The following DAB2IP variants were observed in gnomAD, a reference collection of about 807,000 sequenced individuals.
DAB2IP encodes the protein disabled homolog 2-interacting protein.
Under a neutral mutation model 107.2 loss-of-function variants are expected in DAB2IP, and 28 were observed. The observed-to-expected ratio is 0.26, with a 90% CI of 0.19 to 0.36. DAB2IP has a LOEUF of 0.36. Ranked by LOEUF, DAB2IP falls within the 10% of genes least tolerant of loss-of-function variation. DAB2IP has a pLI of 1.00. For synonymous variants in DAB2IP, 755 were observed against 706.4 expected (o/e 1.07, Z -1.09); for missense variants, 1,400 against 1,644.7 (o/e 0.85, Z 2.57).
chr9:121,770,417 C>T (rs966031447), intron 10 of DAB2IP, 129 bp from the exon 11 acceptor site: 2 of 1,030,796 alleles, frequency 1.9e-6, no homozygotes, highest in Non-Finnish European at 2.8e-6. Flanking sequence ...GTGGCTCTGA[C>T]TGGCAGCAGG....
At chr9:121,728,066 A>G (rs762054343) in intron 3 of DAB2IP, among the ~76,000 whole-genome samples, 2 of 152,202 alleles carry the variant, frequency 1.3e-5, no homozygotes, top group Non-Finnish European at 2.9e-5. Flanking sequence ...GGATGGTTAA[A>G]GTACCAACCC....
chr9:121,667,281 G>A (rs1183926191), intron 1 of DAB2IP, among the ~76,000 whole-genome samples: 1 of 151,998 alleles, frequency 6.6e-6, no homozygotes, highest in Non-Finnish European at 1.5e-5. Context: ...CAAAGTGCTG[G>A]GGAAAAGCAC....
At chr9:121,666,913 C>CACACAA (rs1564143957) in intron 1 of DAB2IP, among the ~76,000 whole-genome samples, 1 of 134,680 alleles carries the variant, frequency 7.4e-6, no homozygotes, top group African/African-American at 2.8e-5. Flanking sequence ...CACACACACA[C>CACACAA]ACAACACTCT....
At chr9:121,700,603 C>T (rs780229354) in intron 3 of DAB2IP, among the ~76,000 whole-genome samples, 21 of 152,212 alleles carry the variant, frequency 1.4e-4, no homozygotes, top group Non-Finnish European at 5.9e-5. Context: ...CTCTCCCCTC[C>T]CCCTTGGTTC....
At chr9:121,649,103 C>T (rs1832647214), upstream of DAB2IP, among the ~76,000 whole-genome samples, 1 of 152,182 alleles carries the variant, frequency 6.6e-6, no homozygotes, top group South Asian at 2.1e-4. Context: ...GCCCCCTTCC[C>T]ACTCAGTACC....
intron 3 of DAB2IP, among the ~76,000 whole-genome samples, chr9:121,703,852 A>C (rs1829916042): frequency 6.6e-6 from 1 of 152,140 alleles, no homozygotes; most frequent in African/African-American, 2.4e-5. Flanking sequence ...GAGGTTCAAG[A>C]GATAATAGAT....
At chr9:121,670,862 C>A (rs1294200552) in intron 1 of DAB2IP, among the ~76,000 whole-genome samples, 1 of 151,770 alleles carries the variant, frequency 6.6e-6, no homozygotes, top group Non-Finnish European at 1.5e-5. Context: ...ACTAAAAATA[C>A]AAAAATTAGG....
Position 121,772,802 on chromosome 9 carries a change from T to A in DAB2IP, c.2274T>A (p.Asp758Glu), listed in dbSNP as rs368301140. The A allele has an allele frequency of 2.5e-6, 4 of 1,612,184 alleles. No individual in the cohort carries two copies. Residue 758 changes from aspartate to glutamate, a missense_variant, in exon 12 of 16, where the codon GAT (aspartate) becomes GAA (glutamate). By Grantham distance (45) the Asp-to-Glu change is conservative (BLOSUM62 2). Around this residue, in one of 3 missense-constraint regions of DAB2IP, gnomAD observed 600 missense variants for 659.1 expected, o/e 0.91. Transcript: ENST00000408936. This position sits in a 1 kb window ranked among gnomAD's most constrained non-coding sequence, Gnocchi z 4.7. ...ACCTCCAGGACGCCCGCACGCTGGA[T>A]GGGGAGGCAGGCTCCCCGGCGGGCC... is the stretch of plus-strand genomic sequence containing the variant.
upstream of DAB2IP, among the ~76,000 whole-genome samples, chr9:121,646,594 C>A (rs552514831): frequency 1.1e-4 from 17 of 150,490 alleles, no homozygotes; most frequent in Admixed American, 5.3e-4. Flanking sequence ...TGCAGGCCTG[C>A]CTGGCTGGGG....
rs866907827 is a variant in DAB2IP at position 121,635,571 on chromosome 9, G to A, written c.41-43107G>A. Among the ~76,000 whole-genome samples the A allele has an allele frequency of 3.9e-5, 6 of 152,224 alleles. No individual in the cohort carries two copies. The highest frequency in any genetic ancestry group is 6.8e-3 in the Middle Eastern group (2 of 294). ...TGCTGCCAACATGGCCTGTCTGCAG[G>A]GAAGAAGGCCACCTGAGAGAGAGGT... On this transcript the variant is annotated intron_variant, in intron 1 of 16. Coordinates refer to the DAB2IP transcript ENST00000259371. This position sits in a 1 kb window ranked among gnomAD's most constrained non-coding sequence, Gnocchi z 4.3.
At chr9:121,691,410 C>T (rs905565811) in intron 2 of DAB2IP, among the ~76,000 whole-genome samples, 1 of 151,886 alleles carries the variant, frequency 6.6e-6, no homozygotes, top group African/African-American at 2.4e-5. Flanking sequence ...ACAGCCCAGG[C>T]CCTTCTGGCT....
intron 14 of DAB2IP, among the ~76,000 whole-genome samples, chr9:121,777,054 T>C (rs1282568119): frequency 2.7e-4 from 41 of 152,284 alleles, no homozygotes; most frequent in Non-Finnish European, 3.5e-4. Context: ...TGCCTCCATC[T>C]CTGTCTCTGG....
intron 1 of DAB2IP, among the ~76,000 whole-genome samples, chr9:121,589,531 G>A (rs592286): frequency 0.27 from 40,797 of 151,906 alleles, 5,982 homozygotes; most frequent in Non-Finnish European, 0.32. Context: ...TAGCAGAGCC[G>A]CATAGCTGCC....
At position 121,758,905 on chromosome 9, in the gene DAB2IP, C is replaced by T. The variant is rs1349220521; in HGVS notation, c.524C>T (p.Thr175Met). 10 of 1,613,128 alleles carry T rather than the reference C, an allele frequency of 6.2e-6. No homozygotes were observed. Among genetic ancestry groups the T allele is most frequent in the East Asian group, 2.2e-5 (1 of 44,872 alleles). Residue 175 changes from threonine (T) to methionine (M), a missense_variant, in exon 5 of 16, where the codon ACG becomes ATG. By Grantham distance (81) the Thr-to-Met change is moderately conservative. Transcript: ENST00000408936. ...CTTGCCTGCTCCCCACAGGTGACGA[C>T]GTCATCAGGAAGCAAGTGCTTTTCC... is the stretch of plus-strand genomic sequence containing the variant.
Position 121,760,135 on chromosome 9 carries a change from G to A in DAB2IP, c.866G>A (p.Ser289Asn), listed in dbSNP as rs1457596089. Residue 289 changes from serine to asparagine, a missense_variant, in exon 6 of 16, where the codon AGT (serine) becomes AAT (asparagine). Ser to Asn is a conservative substitution (Grantham distance 46, BLOSUM62 1). This residue lies in a region of DAB2IP where 517 missense variants were observed against 748.6 expected (regional missense o/e 0.69). Transcript: ENST00000408936. The surrounding 1 kb of genome is among the most constrained non-coding windows in gnomAD (Gnocchi z 5.9). ...AAGAAGAAGAAGAAGGAGCGCAACAGTTACCTGGGCCTGGTGAGCCTACCT... is the reference window on the plus strand; with the variant it reads ...AAGAAGAAGAAGAAGGAGCGCAACAATTACCTGGGCCTGGTGAGCCTACCT... 31 of 1,613,928 alleles carry A rather than the reference G, an allele frequency of 1.9e-5. No homozygotes were observed. The highest frequency in any genetic ancestry group is 2.5e-5 in the Non-Finnish European group (30 of 1,180,026).
intron 1 of DAB2IP, among the ~76,000 whole-genome samples, chr9:121,568,147 T>A (rs1186732525): frequency 6.6e-6 from 1 of 152,138 alleles, no homozygotes; most frequent in African/African-American, 2.4e-5. Context: ...AGACCACAGT[T>A]CTACTAAGAA....
chr9:121,781,259 GA>G (rs2119040993), intron 14 of DAB2IP, among the ~76,000 whole-genome samples: 1 of 152,256 alleles, frequency 6.6e-6, no homozygotes, highest in East Asian at 1.9e-4. Context: ...ATGTGGAGGT[GA>G]GGAAGGAGGC....
chr9:121,758,949 C>T (rs1159181250), exon 5 of DAB2IP: 5 of 1,613,620 alleles, frequency 3.1e-6, no homozygotes, highest in Admixed American at 1.7e-5. Flanking sequence ...TGCAGCTGAG[C>T]GGGATAAGTG....
chr9:121,577,187 C>T (rs1317507857), intron 1 of DAB2IP, among the ~76,000 whole-genome samples: 1 of 152,258 alleles, frequency 6.6e-6, no homozygotes, highest in Non-Finnish European at 1.5e-5. Flanking sequence ...AGGAGCCCTG[C>T]CCCTTCCCCT....
Sources: allele counts gnomAD v4.1 joint callset (sites outside exome capture counted in the v4.1 genomes callset), GRCh38; gene constraint gnomAD v4.1.1; regional missense constraint gnomAD v4.1.1; non-coding constraint Gnocchi (gnomAD v3.1); transcripts MANE v1.5; gene names NCBI Gene and HGNC (gene_info 2026-07-23, HGNC 2026-07-21).